ZNF391: variants seen among roughly 807,000 people sequenced by gnomAD.
ZNF391 encodes zinc finger protein 391.
For synonymous variants in ZNF391, 126 were observed against 142.1 expected, an observed-to-expected ratio of 0.89 and a Z score of 0.80; for missense variants, 375 against 425.5, an observed-to-expected ratio of 0.88 and a Z score of 1.04.
intron 1 of ZNF391, among the ~76,000 whole-genome samples, chr6:27,383,672 G>A (rs1477461556): frequency 1.3e-5 from 2 of 152,076 alleles, no homozygotes; most frequent in African/African-American, 4.8e-5. Context: ...ATTAATGAGG[G>A]CCCCACCCAC....
upstream of ZNF391, among the ~76,000 whole-genome samples, chr6:27,384,592 A>C (rs895260161): frequency 6.6e-6 from 1 of 151,636 alleles, no homozygotes; most frequent in Non-Finnish European, 1.5e-5. Context: ...GTTTGCTCAA[A>C]ATAATAACAA....
At position 27,400,397 on chromosome 6, in the gene ZNF391, T is replaced by C; in HGVS notation, c.27T>C (p.Ala9=). 6.2e-7 allele frequency: 1 copy of C among 1,612,554 alleles called. No individual in the cohort carries two copies. Among genetic ancestry groups the C allele is most frequent in the South Asian group, 1.1e-5 (1 of 90,882 alleles). Residue 9 remains alanine, a synonymous_variant, in exon 3 of 3, where the codon GCT becomes GCC. Coordinates refer to ENST00000244576, the MANE Select transcript of ZNF391 (RefSeq NM_001076781.3). MESLRGNT[A]QGPTNEEDYK... is the part of the protein sequence containing the mutation. ...TGGAAAGCCTCAGAGGGAATACTGC[T>C]CAGGGTCCTACAAATGAAGAAGACT...
upstream of ZNF391, chr6:27,388,666 T>TC (rs1761623492): frequency 3.2e-6 from 1 of 315,588 alleles, no homozygotes; most frequent in Non-Finnish European, 6.1e-6. Flanking sequence ...TGCAAAACCT[T>TC]CCACGAAAGT....
rs1348107676 is a variant in ZNF391, at chr6:27,376,401, A to G, written n.523+1264A>G. On this transcript the variant is annotated intron_variant and non_coding_transcript_variant, in intron 1 of 2. Transcript: ENST00000477999. The surrounding 1 kb of genome is among the most constrained non-coding windows in gnomAD (Gnocchi z 4.7). ...AGAAACAGGCCCAAGATGTTATTAA[A>G]GTTTCACAAGTAGCAAATGGCAAAA... Among the ~76,000 whole-genome samples, 1 of 152,244 alleles carries G rather than the reference A, an allele frequency of 6.6e-6. No individual in the cohort carries two copies. The highest frequency in any genetic ancestry group is 2.4e-5 in the African/African-American group (1 of 41,470).
chr6:27,389,131 G>A (rs1761643228), intron 1 of ZNF391, 56 bp downstream of exon 1: 2 of 456,552 alleles, frequency 4.4e-6, no homozygotes, highest in Non-Finnish European at 8.8e-6. Context: ...GAAGGAAACG[G>A]GCGAAAGGGT....
At chr6:27,397,773 G>A (rs1374159665) in intron 1 of ZNF391, among the ~76,000 whole-genome samples, 22 of 152,106 alleles carry the variant, frequency 1.4e-4, no homozygotes, top group Non-Finnish European at 1.5e-5. Flanking sequence ...GGGATTACAG[G>A]CATGCACCAC....
At chr6:27,375,982 A>G (rs758452431) in intron 1 of ZNF391, among the ~76,000 whole-genome samples, 26 of 152,218 alleles carry the variant, frequency 1.7e-4, no homozygotes, top group Non-Finnish European at 3.8e-4. Flanking sequence ...GGTTCGCCCT[A>G]TGTAAATGGA....
chr6:27,388,868 G>A lies in ZNF391; in HGVS notation c.-395G>A, dbSNP rs62622793. ...ACCGAGCAGAGCATGATCAGCAGCA[G>A]TCTGAGTGGAAGAGTGCCTGTGATC... On this transcript the variant is annotated 5_prime_UTR_variant, in exon 1 of 3. Transcript: ENST00000244576. 0.092 allele frequency: 42,060 copies of A among 454,752 alleles called. 2,338 individuals are homozygous for A. Among genetic ancestry groups the A allele is most frequent in the Middle Eastern group, 0.16 (501 of 3,044 alleles). 28.2% of individuals were successfully genotyped at this position (454,752 alleles called of 1,614,324 possible).
At chr6:27,395,801 G>T (rs950108355) in intron 1 of ZNF391, among the ~76,000 whole-genome samples, 1 of 152,024 alleles carries the variant, frequency 6.6e-6, no homozygotes. Flanking sequence ...TCAAATTTTG[G>T]ATCTCCTTGG....
intron 1 of ZNF391, among the ~76,000 whole-genome samples, chr6:27,398,596 C>T (rs776460017): frequency 5.3e-5 from 8 of 152,178 alleles, no homozygotes; most frequent in Admixed American, 1.3e-4. Flanking sequence ...CAGTGGCTCA[C>T]GCCTGTAATC....
At position 27,401,807 on chromosome 6, in the gene ZNF391, G is replaced by A. The variant is rs575706969; in HGVS notation, c.*360G>A. 5 of 167,474 alleles carry A rather than the reference G, an allele frequency of 3.0e-5. No homozygotes were observed. Among genetic ancestry groups the A allele is most frequent in the Non-Finnish European group, 1.3e-5 (1 of 76,680 alleles). 10.4% of individuals were successfully genotyped at this position (167,474 alleles called of 1,614,324 possible). ...CTATCTGACACCTTGTAGTTTCTCTGCTAATCTATTCCTTCAAGCGTGGGT... is the reference window on the plus strand; with the variant it reads ...CTATCTGACACCTTGTAGTTTCTCTACTAATCTATTCCTTCAAGCGTGGGT... On this transcript the variant is annotated 3_prime_UTR_variant, in exon 3 of 3. Coordinates refer to ENST00000244576, the MANE Select transcript of ZNF391 (RefSeq NM_001076781.3).
intron 1 of ZNF391, among the ~76,000 whole-genome samples, chr6:27,375,893 G>A (rs1463258671): frequency 1.3e-5 from 2 of 152,174 alleles, no homozygotes; most frequent in African/African-American, 2.4e-5. Context: ...GGAGGGGGCC[G>A]AGCATAGGAA....
At chr6:27,393,822 G>A (rs1761766429) in intron 1 of ZNF391, among the ~76,000 whole-genome samples, 2 of 152,232 alleles carry the variant, frequency 1.3e-5, no homozygotes, top group African/African-American at 2.4e-5. Context: ...CAAAGGTCAT[G>A]TGTGTTATGC....
chr6:27,394,202 C>T (rs1181325693), intron 1 of ZNF391, among the ~76,000 whole-genome samples: 1 of 152,210 alleles, frequency 6.6e-6, no homozygotes, highest in Non-Finnish European at 1.5e-5. Context: ...GCCTCAAAGG[C>T]ATTTCAGAAA....
intron 1 of ZNF391, among the ~76,000 whole-genome samples, chr6:27,398,879 A>G (rs1386254280): frequency 7.5e-6 from 1 of 132,654 alleles, no homozygotes; most frequent in Non-Finnish European, 1.8e-5. Context: ...AAACAAAACA[A>G]GAGTCATCTG....
intron 1 of ZNF391, among the ~76,000 whole-genome samples, chr6:27,391,875 T>C (rs1415075926): frequency 1.3e-5 from 2 of 152,198 alleles, no homozygotes; most frequent in Non-Finnish European, 2.9e-5. Context: ...TTTTTTGGCC[T>C]ATTTCTTGAA....
At chr6:27,381,431 C>T (rs1296252625) in intron 1 of ZNF391, among the ~76,000 whole-genome samples, 3 of 152,248 alleles carry the variant, frequency 2.0e-5, no homozygotes, top group Admixed American at 6.5e-5. Context: ...TTCCCGCTCG[C>T]GCTTCTCCCT....
rs188747783 is a variant in ZNF391, at chr6:27,381,406, C to G, written n.523+6269C>G. On this transcript the variant is annotated intron_variant and non_coding_transcript_variant, in intron 1 of 2. Coordinates refer to the ZNF391 transcript ENST00000477999. Reference sequence around the variant, plus strand: ...GGAACTCCAGCTGGCCCCCAAGCACCGCGCGCAGCCCCAGTTCCCGCTCGC... The same window carrying G: ...GGAACTCCAGCTGGCCCCCAAGCACGGCGCGCAGCCCCAGTTCCCGCTCGC... Among the ~76,000 whole-genome samples, 12 of 152,362 alleles carry G rather than the reference C, an allele frequency of 7.9e-5. No individual in the cohort carries two copies. In the South Asian group the frequency reaches 1.7e-3, roughly 21 times the overall value.
intron 1 of ZNF391, chr6:27,389,310 A>G (rs1761649515): frequency 4.4e-6 from 2 of 455,584 alleles, no homozygotes; most frequent in Non-Finnish European, 8.8e-6. Flanking sequence ...GGGAGATGAA[A>G]AAGAGCAGGG....
Sources: gnomAD v4.1 joint callset for allele counts (sites outside exome capture counted in the v4.1 genomes callset) on GRCh38, gnomAD v4.1.1 for gene constraint, Gnocchi (gnomAD v3.1) non-coding constraint, MANE v1.5 for transcripts, NCBI Gene and HGNC (gene_info 2026-07-23, HGNC 2026-07-21) for gene names.